Variants in TSPAN1 observed in about 807,000 individuals in gnomAD.
The protein encoded by TSPAN1 is tetraspanin-1.
A neutral mutation model predicts 26.9 loss-of-function variants in TSPAN1; 23 were observed. That is an observed-to-expected ratio of 0.85 (90% CI 0.62 to 1.21). The LOEUF (loss-of-function observed/expected upper bound fraction) is 1.21. TSPAN1 is among the 50% of genes most tolerant of loss of function. TSPAN1 has a pLI of 0.00. For synonymous variants in TSPAN1, 115 were observed against 114.8 expected, an observed-to-expected ratio of 1.00 and a Z score of -0.01; for missense variants, 283 against 298.4, an observed-to-expected ratio of 0.95 and a Z score of 0.38.
intron 1 of TSPAN1, among the ~76,000 whole-genome samples, chr1:46,180,270 A>T (rs1271864514): frequency 6.6e-6 from 1 of 152,224 alleles, no homozygotes; most frequent in Non-Finnish European, 1.5e-5. Context: ...GGTAAGAAGC[A>T]CATTACACTG....
chr1:46,195,221 A>G, the TSPAN1 span, among the ~76,000 whole-genome samples: 1 of 151,976 alleles, frequency 6.6e-6, no homozygotes, highest in East Asian at 1.9e-4. Flanking sequence ...TTCTTTTCCA[A>G]CCACTCTCCT....
chr1:46,186,643 C>A (rs1219641628), downstream of TSPAN1, among the ~76,000 whole-genome samples: 1 of 149,658 alleles, frequency 6.7e-6, no homozygotes, highest in Non-Finnish European at 1.5e-5. Context: ...GCACCTGCCA[C>A]CATGCCCGGC....
chr1:46,177,771 G>A (rs368358091), intron 1 of TSPAN1, among the ~76,000 whole-genome samples: 2 of 152,160 alleles, frequency 1.3e-5, no homozygotes, highest in African/African-American at 4.8e-5. Context: ...AGTACCACAA[G>A]TACTGGTTTG....
chr1:46,183,918 GA>G (rs1657367099), intron 3 of TSPAN1: 2 of 523,308 alleles, frequency 3.8e-6, no homozygotes, highest in Admixed American at 3.2e-5. Flanking sequence ...AGCAGTGAGG[GA>G]AAGTCTTGCC....
At chr1:46,193,928 G>A in the TSPAN1 span, 15 of 1,614,144 alleles carry the variant, frequency 9.3e-6, no homozygotes, top group Non-Finnish European at 1.3e-5. Context: ...TCTGGGAGCT[G>A]TGGGAGAAAT....
chr1:46,194,291 C>T, the TSPAN1 span: 27 of 1,614,076 alleles, frequency 1.7e-5, no homozygotes, highest in South Asian at 2.2e-5. Context: ...GGGCTGAACT[C>T]GATGGGTGTG....
At chr1:46,190,363 G>T, downstream of TSPAN1, 1 of 1,395,938 alleles carries the variant, frequency 7.2e-7, no homozygotes. Flanking sequence ...TAATGTTTGA[G>T]ATGAGGGCCC....
At chr1:46,191,136 G>A in the TSPAN1 span, 14 of 351,772 alleles carry the variant, frequency 4.0e-5, no homozygotes, top group Middle Eastern at 1.0e-3. Context: ...GCAAAGGGAC[G>A]GGCTGGGCTG....
downstream of TSPAN1, chr1:46,190,670 G>T: frequency 6.4e-7 from 1 of 1,562,592 alleles, no homozygotes; most frequent in Non-Finnish European, 8.8e-7. Flanking sequence ...TCAGGGACTG[G>T]CCTCCAAATC....
the TSPAN1 span, among the ~76,000 whole-genome samples, chr1:46,195,281 T>A: frequency 6.6e-6 from 1 of 152,192 alleles, no homozygotes; most frequent in South Asian, 2.1e-4. Flanking sequence ...TTGCTGTTCC[T>A]CAAATATGCC....
chr1:46,192,004 C>G, the TSPAN1 span: 2 of 1,483,416 alleles, frequency 1.3e-6, no homozygotes, highest in Non-Finnish European at 1.9e-6. Flanking sequence ...GGTTACATGG[C>G]TAGCAAGTAG....
chr1:46,186,862 C>T (rs1187348695), downstream of TSPAN1, among the ~76,000 whole-genome samples: 2 of 152,046 alleles, frequency 1.3e-5, no homozygotes, highest in South Asian at 2.1e-4. Context: ...CGGGGTTTCA[C>T]TGTGTTAGCC....
chr1:46,183,939 A>C, intron 3 of TSPAN1: 1 of 555,602 alleles, frequency 1.8e-6, no homozygotes, highest in South Asian at 2.1e-5. Flanking sequence ...CCCTCTGCCC[A>C]CCCTGAGGAT....
chr1:46,175,507 T>G (rs900281025), intron 1 of TSPAN1, 98 bp downstream of exon 1: 1 of 398,646 alleles, frequency 2.5e-6, no homozygotes, highest in Non-Finnish European at 4.4e-6. Flanking sequence ...TGACTGTATT[T>G]GTTGTTCACC....
At chr1:46,195,097 T>A in the TSPAN1 span, 1 of 792,888 alleles carries the variant, frequency 1.3e-6, no homozygotes, top group Non-Finnish European at 2.2e-6. Flanking sequence ...ATGGTTACTC[T>A]CTTTCACAGA....
downstream of TSPAN1, among the ~76,000 whole-genome samples, chr1:46,188,391 G>A (rs543898967): frequency 1.3e-5 from 2 of 152,128 alleles, no homozygotes; most frequent in East Asian, 1.9e-4. Context: ...ACAGGTGCCC[G>A]GCCCAGGCAA....
At chr1:46,191,589 A>G in the TSPAN1 span, 1 of 226,690 alleles carries the variant, frequency 4.4e-6, no homozygotes, top group East Asian at 1.1e-4. Flanking sequence ...ACATATATTG[A>G]CTCATTTAAA....
chr1:46,180,122 G>T (rs1315076747), intron 1 of TSPAN1, among the ~76,000 whole-genome samples: 1 of 152,238 alleles, frequency 6.6e-6, no homozygotes, highest in African/African-American at 2.4e-5. Context: ...ACACACACAT[G>T]CATTCAGGAA....
chr1:46,185,404 G>A lies in TSPAN1; in HGVS notation c.679-82G>A, dbSNP rs1022376506. Reference sequence around the variant, plus strand: ...CTCTGGAGGAAACAGACTTCTAACTGGGCCTCAGGTAGGGTGTCTGTGGGA... The same window carrying A: ...CTCTGGAGGAAACAGACTTCTAACTAGGCCTCAGGTAGGGTGTCTGTGGGA... On this transcript the variant is annotated intron_variant, in intron 8 of 8. Coordinates refer to ENST00000372003, the MANE Select transcript of TSPAN1 (RefSeq NM_005727.4). The A allele has an allele frequency of 4.4e-6, 7 of 1,606,874 alleles. No individual in the cohort carries two copies. The African/African-American group carries it at 9.4e-5, about 21-fold the overall frequency.
Sources: gnomAD v4.1 joint callset for allele counts (sites outside exome capture counted in the v4.1 genomes callset) on GRCh38, gnomAD v4.1.1 for gene constraint, MANE v1.5 for transcripts, NCBI Gene and HGNC (gene_info 2026-07-23, HGNC 2026-07-21) for gene names.